Variants in VEGFA observed in about 807,000 individuals in gnomAD.
VEGFA encodes vascular endothelial growth factor A, also known as vascular endothelial growth factor A, long form.
VEGFA carries 20 observed loss-of-function variants against 49.7 expected under a neutral mutation model. The ratio of observed to expected loss-of-function variants is 0.40; its 90% CI spans 0.28 to 0.58. VEGFA has a LOEUF of 0.58. Among genes scored for constraint, VEGFA ranks in the 20% least tolerant of loss-of-function variants. VEGFA has a pLI of 0.40. For synonymous variants in VEGFA, 219 were observed against 223.4 expected (o/e 0.98, Z 0.18); for missense variants, 505 against 553.5 (o/e 0.91, Z 0.88).
intron 7 of VEGFA, chr6:43,784,340 G>C: frequency 1.6e-6 from 1 of 644,932 alleles, no homozygotes; most frequent in Admixed American, 2.5e-5. Flanking sequence ...TGCTCAGGCC[G>C]GGGCTCCCTG....
intron 7 of VEGFA, chr6:43,783,835 C>A (rs1296170349): frequency 6.5e-6 from 1 of 153,128 alleles, no homozygotes; most frequent in Non-Finnish European, 1.5e-5. Flanking sequence ...TGTCTCTCCC[C>A]ATCCTAAGTG....
intron 5 of VEGFA, chr6:43,780,418 T>C: frequency 2.4e-6 from 1 of 424,120 alleles, no homozygotes; most frequent in East Asian, 5.2e-5. Context: ...CCACTGTGAG[T>C]GTGGAGACCT....
At chr6:43,780,951 T>G (rs998771872) in intron 6 of VEGFA, 148 bp downstream of exon 6, 1 of 1,591,660 alleles carries the variant, frequency 6.3e-7, no homozygotes, top group African/African-American at 1.3e-5. Context: ...TCTCACTCTC[T>G]CACTCCACTA....
chr6:43,772,413 T>TC (rs1235065318), intron 1 of VEGFA, among the ~76,000 whole-genome samples: 1 of 152,132 alleles, frequency 6.6e-6, no homozygotes, highest in East Asian at 1.9e-4. Flanking sequence ...GTGCTTCCCT[T>TC]CCCTCGCCAA....
At chr6:43,772,349 G>A (rs1763898672) in intron 1 of VEGFA, among the ~76,000 whole-genome samples, 1 of 152,202 alleles carries the variant, frequency 6.6e-6, no homozygotes. Flanking sequence ...CGTGGCGCGG[G>A]AGCCCACTGG....
chr6:43,777,433 G>T lies in VEGFA; in HGVS notation c.659-36G>T. ...AGAGGGGCTAGCCATCTTTTGTGTC[G>T]CCCACCGGGCTCATGTGTCATCGCC... On this transcript the variant is annotated intron_variant, in intron 2 of 7. Coordinates refer to ENST00000672860, the MANE Select transcript of VEGFA (RefSeq NM_003376.6). This position sits in a 1 kb window ranked among gnomAD's most constrained non-coding sequence, Gnocchi z 4.3. The T allele has an allele frequency of 6.2e-7, 1 of 1,611,704 alleles. No homozygotes were observed. The highest frequency in any genetic ancestry group is 8.5e-7 in the Non-Finnish European group (1 of 1,179,272).
rs915247074 is a variant in VEGFA at position 43,771,043 on chromosome 6, G to T, written c.337G>T (p.Ala113Ser). The change falls in exon 1 of 8, where the codon GCT becomes TCT. Residue 113 changes from alanine to serine, a missense_variant. This residue lies in a region of VEGFA where 340 missense variants were observed against 321.8 expected (regional missense o/e 1.06). Transcript: ENST00000672860. ...GAGGGGGCCGCAGTGGCGACTCGGC[G>T]CTCGGAAGCCGGGCTCATGGACGGG... 1.3e-6 allele frequency: 2 copies of T among 1,522,226 alleles called. No individual in the cohort carries two copies. The highest frequency in any genetic ancestry group is 8.8e-7 in the Non-Finnish European group (1 of 1,134,792). The allele number at this position is 1,522,226 out of a possible 1,614,324, so 94.3% of individuals were successfully genotyped here.
At chr6:43,776,780 G>C in intron 2 of VEGFA, 1 of 157,706 alleles carries the variant, frequency 6.3e-6, no homozygotes, top group Non-Finnish European at 1.4e-5. Flanking sequence ...TGCCTCCTCT[G>C]TTTTTGCCTA....
intron 7 of VEGFA, chr6:43,782,686 C>A (rs934197007): frequency 1.7e-5 from 3 of 174,352 alleles, no homozygotes; most frequent in African/African-American, 4.8e-5. Context: ...CTCTCCCCTC[C>A]GACCTGGGCT....
In VEGFA at chr6:43,773,541, T is replaced by G. The variant is rs1441774246; in HGVS notation, c.607-800T>G. 6.6e-6 allele frequency: 1 copy of G among 152,352 alleles called. No individual in the cohort carries two copies. The highest frequency in any genetic ancestry group is 2.4e-5 in the African/African-American group (1 of 41,408). The allele number at this position is 152,352 out of a possible 1,614,324, so 9.4% of individuals were successfully genotyped here. A position where few individuals can be genotyped will look rare whatever the true frequency, so the allele number is the denominator to read the frequency against. On this transcript the variant is annotated intron_variant, in intron 1 of 7. Transcript: ENST00000672860. This position sits in a 1 kb window ranked among gnomAD's most constrained non-coding sequence, Gnocchi z 5.6. Reference sequence around the variant, plus strand: ...CTAGGGGCTGGGCAGTGCCAAGGCATAAAAGCCTTCCCTGGTCCCTGGTGG... The same window carrying G: ...CTAGGGGCTGGGCAGTGCCAAGGCAGAAAAGCCTTCCCTGGTCCCTGGTGG...
At position 43,774,707 on chromosome 6, in the gene VEGFA, T is replaced by C. The variant is rs1764727721; in HGVS notation, c.658+315T>C. ...GGGATCCTAGGTGTTGGGGGAAGTG[T>C]CCCTTGTTTCCCCTAGCTCCCAGGG... On this transcript the variant is annotated intron_variant, in intron 2 of 7. Coordinates refer to ENST00000672860, the MANE Select transcript of VEGFA (RefSeq NM_003376.6). 4 of 494,152 alleles carry C rather than the reference T, an allele frequency of 8.1e-6. No homozygotes were observed. In the South Asian group the frequency reaches 8.7e-5, roughly 11 times the overall value. The allele number at this position is 494,152 out of a possible 1,614,324, so 30.6% of individuals were successfully genotyped here. A position where few individuals can be genotyped will look rare whatever the true frequency, so the allele number is the denominator to read the frequency against.
At chr6:43,783,285 C>T (rs556030103) in intron 7 of VEGFA, 2 of 152,386 alleles carry the variant, frequency 1.3e-5, no homozygotes, top group African/African-American at 4.8e-5. Context: ...GCACCCCCAG[C>T]TCACCCCGAG....
intron 2 of VEGFA, chr6:43,774,742 C>T (rs998904015): frequency 4.6e-6 from 2 of 437,452 alleles, no homozygotes; most frequent in African/African-American, 2.0e-5. Context: ...GGAGAGTGGA[C>T]ATTTAGTGTC....
Position 43,771,182 on chromosome 6 carries a change from C to A in VEGFA, c.476C>A (p.Pro159Gln). The stretch of plus-strand genomic sequence containing the variant: ...CGCCGAGGCGCCGAGGAGAGCGGGC[C>A]GCCCCACAGCCCGAGCCGGAGAGGG... Residue 159 changes from proline (P) to glutamine (Q), a missense_variant, in exon 1 of 8, where the codon CCG (proline) becomes CAG (glutamine). Coordinates refer to ENST00000672860, the MANE Select transcript of VEGFA (RefSeq NM_003376.6). 6.3e-7 allele frequency: 1 copy of A among 1,588,700 alleles called. No homozygotes were observed. Among genetic ancestry groups the A allele is most frequent in the Non-Finnish European group, 8.5e-7 (1 of 1,170,808 alleles).
In VEGFA at chr6:43,785,595, C is replaced by A; in HGVS notation, c.*1033C>A. On this transcript the variant is annotated 3_prime_UTR_variant, in exon 8 of 8. Transcript: ENST00000672860. ...CCTGCTCCCCTTCCTGGGGTGCAGCCTAAAAGGACCTATGTCCTCACACCA... is the reference window on the plus strand; with the variant it reads ...CCTGCTCCCCTTCCTGGGGTGCAGCATAAAAGGACCTATGTCCTCACACCA... 1 of 205,076 alleles carries A rather than the reference C, an allele frequency of 4.9e-6. No homozygotes were observed. Among genetic ancestry groups the A allele is most frequent in the Non-Finnish European group, 1.0e-5 (1 of 100,034 alleles). The allele number at this position is 205,076 out of a possible 1,614,324, so 12.7% of individuals were successfully genotyped here. A position where few individuals can be genotyped will look rare whatever the true frequency, so the allele number is the denominator to read the frequency against.
rs371208770 is a variant in VEGFA at position 43,784,549 on chromosome 6, A to G, written c.1175A>G (p.Lys392Arg). Residue 392 changes from lysine to arginine, a missense_variant, in exon 8 of 8, where the codon AAG (lysine) becomes AGG (arginine). Physicochemically the swap from Lys to Arg is conservative, Grantham distance 26 (BLOSUM62 2). This residue lies in a region of VEGFA where 165 missense variants were observed against 231.7 expected (regional missense o/e 0.71). Coordinates refer to ENST00000672860, the MANE Select transcript of VEGFA (RefSeq NM_003376.6). ...TTTTCCATTTCCCTCAGATGTGACA[A>G]GCCGAGGCGGTGAGCCGGGCAGGAG... 1.9e-6 allele frequency: 3 copies of G among 1,614,170 alleles called. No homozygotes were observed. The African/African-American group carries it at 4.0e-5, about 22-fold the overall frequency.
chr6:43,779,399 G>A (rs1766574662), intron 5 of VEGFA: 4 of 336,686 alleles, frequency 1.2e-5, no homozygotes, highest in Admixed American at 8.3e-5. Context: ...GGCGGCAGGC[G>A]GCAGACACAC....
Position 43,777,839 on chromosome 6 carries a change from C to G in VEGFA, c.855+174C>G. The G allele has an allele frequency of 1.4e-6, 1 of 712,260 alleles. No individual in the cohort carries two copies. The highest frequency in any genetic ancestry group is 2.3e-6 in the Non-Finnish European group (1 of 435,246). 44.1% of individuals were successfully genotyped at this position (712,260 alleles called of 1,614,324 possible). ...CTTCTGTGGAGAAGATGCTTCATTCCCAGCCCAGGTTCCCAGCAAGCCCCA... is the reference window on the plus strand; with the variant it reads ...CTTCTGTGGAGAAGATGCTTCATTCGCAGCCCAGGTTCCCAGCAAGCCCCA... On this transcript the variant is annotated intron_variant, in intron 3 of 7. Coordinates refer to ENST00000672860, the MANE Select transcript of VEGFA (RefSeq NM_003376.6). This position sits in a 1 kb window ranked among gnomAD's most constrained non-coding sequence, Gnocchi z 4.3.
intron 7 of VEGFA, 198 bp downstream of exon 7, chr6:43,782,285 G>A: frequency 3.7e-6 from 3 of 801,988 alleles, no homozygotes; most frequent in Non-Finnish European, 5.8e-6. Context: ...GCAGGCACTG[G>A]TCCAGCCTGG....
Sources: allele counts gnomAD v4.1 joint callset (sites outside exome capture counted in the v4.1 genomes callset), GRCh38; gene constraint gnomAD v4.1.1; regional missense constraint gnomAD v4.1.1; non-coding constraint Gnocchi (gnomAD v3.1); transcripts MANE v1.5; gene names NCBI Gene and HGNC (gene_info 2026-07-23, HGNC 2026-07-21).